The following SLC23A2 variants were observed in gnomAD, a reference collection of about 807,000 sequenced individuals.
The protein encoded by SLC23A2 is solute carrier family 23 member 2.
A neutral mutation model predicts 73.3 loss-of-function variants in SLC23A2; 36 were observed. That is an observed-to-expected ratio of 0.49 (90% CI 0.38 to 0.65). The LOEUF (loss-of-function observed/expected upper bound fraction) is 0.65, where lower values mean the gene tolerates loss of function less well. Among genes scored for constraint, SLC23A2 ranks in the 30% least tolerant of loss-of-function variants. SLC23A2 has a pLI of 0.00. For synonymous variants in SLC23A2, 343 were observed against 327.3 expected (o/e 1.05, Z -0.52); for missense variants, 507 against 841.6 (o/e 0.60, Z 4.92).
Position 4,873,937 on chromosome 20 carries a change from T to A in SLC23A2, c.1101A>T (p.Pro367=), listed in dbSNP as rs1417747713. Residue 367 remains proline, a splice_region_variant and synonymous_variant, in exon 11 of 17, where the codon CCA becomes CCT. Transcript: ENST00000338244. The part of the protein sequence containing the change: ...LVAPWFKVPY[P]FQWGLPTVSA... ...CCCTCTAGCCATCAGAATACTTACA[T>A]GGGTATGGAACCTTAAACCACGGGG... The A allele has an allele frequency of 1.2e-6, 2 of 1,612,326 alleles. No individual in the cohort carries two copies. Among genetic ancestry groups the A allele is most frequent in the Admixed American group, 1.7e-5 (1 of 59,856 alleles).
In SLC23A2 at chr20:4,872,475, G is replaced by A. The variant is rs1214378530; in HGVS notation, c.1102+1461C>T. Among the ~76,000 whole-genome samples the A allele has an allele frequency of 1.3e-5, 2 of 152,106 alleles. No individual in the cohort carries two copies. Among genetic ancestry groups the A allele is most frequent in the Non-Finnish European group, 2.9e-5 (2 of 68,024 alleles). On this transcript the variant is annotated intron_variant, in intron 11 of 16. Coordinates refer to ENST00000338244, the MANE Select transcript of SLC23A2 (RefSeq NM_005116.6). This position sits in a 1 kb window ranked among gnomAD's most constrained non-coding sequence, Gnocchi z 4.4. ...TCCCTCTGGCCCCAGCACCTGTACA[G>A]CTGCCTCTCCTGGACAGCCCAGCTT...
In SLC23A2 at chr20:4,854,152, A is replaced by G. The variant is rs1929626915; in HGVS notation, c.*2820T>C. On this transcript the variant is annotated 3_prime_UTR_variant, in exon 17 of 17. Transcript: ENST00000338244. ...AGGACATTCACATCCAAAATATTTT[A>G]CAACACTCTACAGGCAAAACAAAGT... 1 of 152,214 alleles carries G rather than the reference A, an allele frequency of 6.6e-6. No homozygotes were observed. The highest frequency in any genetic ancestry group is 2.4e-5 in the African/African-American group (1 of 41,456). The allele number at this position is 152,214 out of a possible 1,614,324, so 9.4% of individuals were successfully genotyped here.
rs1437708495 is a variant in SLC23A2, at chr20:4,899,521, G to A, written c.482+34C>T. On this transcript the variant is annotated intron_variant, in intron 6 of 16. Transcript: ENST00000338244. The surrounding 1 kb of genome is among the most constrained non-coding windows in gnomAD (Gnocchi z 4.9). The stretch of plus-strand genomic sequence containing the variant: ...CTTCTGCGCTCAATGCCTTCTGGGG[G>A]CTTTGGCATCCCCCATTAGTACCCC... 1.2e-6 allele frequency: 2 copies of A among 1,605,796 alleles called. No homozygotes were observed. Among genetic ancestry groups the A allele is most frequent in the Non-Finnish European group, 1.7e-6 (2 of 1,174,372 alleles).
chr20:4,950,965 A>T (rs2087192659), intron 2 of SLC23A2, among the ~76,000 whole-genome samples: 1 of 152,164 alleles, frequency 6.6e-6, no homozygotes, highest in Non-Finnish European at 1.5e-5. Flanking sequence ...GAAACTGGGG[A>T]GAAGGTTGGG....
At chr20:4,956,253 C>T (rs2087286607) in intron 2 of SLC23A2, among the ~76,000 whole-genome samples, 1 of 152,106 alleles carries the variant, frequency 6.6e-6, no homozygotes, top group South Asian at 2.1e-4. Context: ...TAGATATTGA[C>T]ATTTCTGTGC....
intron 1 of SLC23A2, among the ~76,000 whole-genome samples, chr20:5,009,368 T>C (rs1344948681): frequency 1.3e-5 from 2 of 152,180 alleles, no homozygotes; most frequent in Non-Finnish European, 2.9e-5. Context: ...CTCTGGATCA[T>C]TCTTGCTCAG....
chr20:4,941,391 C>T (rs1298334791), intron 2 of SLC23A2, among the ~76,000 whole-genome samples: 1 of 151,836 alleles, frequency 6.6e-6, no homozygotes, highest in Admixed American at 6.6e-5. Flanking sequence ...TTTAAATTAG[C>T]CAGAAAACAA....
At position 4,853,630 on chromosome 20, in the gene SLC23A2, T is replaced by C. The variant is rs1806715828; in HGVS notation, c.*3342A>G. 1 of 152,662 alleles carries C rather than the reference T, an allele frequency of 6.6e-6. No individual in the cohort carries two copies. Among genetic ancestry groups the C allele is most frequent in the African/African-American group, 2.4e-5 (1 of 41,442 alleles). The allele number at this position is 152,662 out of a possible 1,614,324, so 9.5% of individuals were successfully genotyped here. A position where few individuals can be genotyped will look rare whatever the true frequency, so the allele number is the denominator to read the frequency against. On this transcript the variant is annotated 3_prime_UTR_variant, in exon 17 of 17. Coordinates refer to ENST00000338244, the MANE Select transcript of SLC23A2 (RefSeq NM_005116.6). ...TGGGTAGAAATGTTATTTTGCTATA[T>C]GGAAATACTGCAATATTCATGCATA...
chr20:4,974,938 C>G (rs2087620107), intron 1 of SLC23A2, among the ~76,000 whole-genome samples: 1 of 152,056 alleles, frequency 6.6e-6, no homozygotes, highest in African/African-American at 2.4e-5. Context: ...CAGGGCCCAC[C>G]ACCACACCTG....
In SLC23A2 at chr20:4,966,837, C is replaced by CACACACAT. The variant is rs1555806656; in HGVS notation, c.-155+3955_-155+3956insATGTGTGT. ...ACACACACACACACACACACACACA[C>CACACACAT]ACACACACACACACACACAGGCATG... On this transcript the variant is annotated intron_variant, in intron 2 of 16. Coordinates refer to ENST00000338244, the MANE Select transcript of SLC23A2 (RefSeq NM_005116.6). 4.0e-3 allele frequency among the ~76,000 whole-genome samples: 584 copies of CACACACAT among 147,170 alleles called. 5 individuals carry two copies. Among genetic ancestry groups the CACACACAT allele is most frequent in the African/African-American group, 0.013 (509 of 39,146 alleles).
Position 4,869,949 on chromosome 20 carries a change from G to T in SLC23A2, c.1207C>A (p.Arg403=). ...GGGGGGGGTGGGGCACAGGACAGCCGTGCACAGGCGTAGTAGTCACCAATA... is the reference window on the plus strand; with the variant it reads ...GGGGGGGGTGGGGCACAGGACAGCCTTGCACAGGCGTAGTAGTCACCAATA... ...ESIGDYYACA[R]LSCAPPPPIH... Residue 403 remains arginine (R), a synonymous_variant, in exon 12 of 17, where the codon CGG becomes AGG. Transcript: ENST00000338244. 6.2e-7 allele frequency: 1 copy of T among 1,613,420 alleles called. No homozygotes were observed. The highest frequency in any genetic ancestry group is 8.5e-7 in the Non-Finnish European group (1 of 1,179,508).
chr20:4,932,535 A>ATGT lies in SLC23A2; in HGVS notation c.25_27dup (p.Thr9dup), dbSNP rs1275246894. On this transcript the variant is annotated inframe_insertion, in exon 3 of 17. Coordinates refer to ENST00000338244, the MANE Select transcript of SLC23A2 (RefSeq NM_005116.6). Reference sequence around the variant, plus strand: ...GAACTTCCAGCCTCCATTGATTTGGATGTGGTATTCTTACCAATACCCATC... The same window carrying ATGT: ...GAACTTCCAGCCTCCATTGATTTGGATGTTGTGGTATTCTTACCAATACCCATC... 7 of 1,605,220 alleles carry ATGT rather than the reference A, an allele frequency of 4.4e-6. No homozygotes were observed. Among genetic ancestry groups the ATGT allele is most frequent in the Non-Finnish European group, 5.1e-6 (6 of 1,171,968 alleles).
chr20:4,917,446 T>TA (rs916191528), intron 3 of SLC23A2, among the ~76,000 whole-genome samples: 1 of 151,138 alleles, frequency 6.6e-6, no homozygotes, highest in African/African-American at 2.4e-5. Flanking sequence ...GGCACGGGAG[T>TA]AAAGTGTCCA....
intron 1 of SLC23A2, among the ~76,000 whole-genome samples, chr20:4,975,475 G>A (rs1411526023): frequency 1.3e-5 from 2 of 151,920 alleles, no homozygotes; most frequent in South Asian, 2.1e-4. Context: ...CCACATCCCG[G>A]GTTCAAGCCA....
chr20:4,867,750 A>C lies in SLC23A2; in HGVS notation c.1356+20T>G. 7.3e-7 allele frequency: 1 copy of C among 1,378,402 alleles called. No homozygotes were observed. Among genetic ancestry groups the C allele is most frequent in the Non-Finnish European group, 1.0e-6 (1 of 968,568 alleles). The allele number at this position is 1,378,402 out of a possible 1,614,324, so 85.4% of individuals were successfully genotyped here. A position where few individuals can be genotyped will look rare whatever the true frequency, so the allele number is the denominator to read the frequency against. On this transcript the variant is annotated intron_variant, in intron 13 of 16. Coordinates refer to ENST00000338244, the MANE Select transcript of SLC23A2 (RefSeq NM_005116.6). ...CCAATGCTTAGAAACCCAATCATTT[A>C]ATTAGAAAAATCTGTGTACCTTTGT...
At chr20:4,934,571 G>GA (rs1214262057) in intron 2 of SLC23A2, among the ~76,000 whole-genome samples, 1 of 152,092 alleles carries the variant, frequency 6.6e-6, no homozygotes, top group East Asian at 1.9e-4. Flanking sequence ...ATTATAAAAA[G>GA]AATTTTCTGG....
intron 13 of SLC23A2, among the ~76,000 whole-genome samples, chr20:4,864,169 C>T (rs1930099529): frequency 6.6e-6 from 1 of 152,196 alleles, no homozygotes; most frequent in African/African-American, 2.4e-5. Flanking sequence ...GGAGTATCCA[C>T]AAGGATTTAT....
intron 4 of SLC23A2, among the ~76,000 whole-genome samples, chr20:4,909,206 G>A (rs1932059888): frequency 6.6e-6 from 1 of 151,966 alleles, no homozygotes; most frequent in Non-Finnish European, 1.5e-5. Context: ...GATTTTTTTG[G>A]GATTTTGAAA....
At chr20:4,882,417 TGCTCATGTGTGAGATGTGTCTCCTTC>T (rs1930925494) in intron 9 of SLC23A2, among the ~76,000 whole-genome samples, 1 of 152,052 alleles carries the variant, frequency 6.6e-6, no homozygotes, top group Non-Finnish European at 1.5e-5. Flanking sequence ...TGGGTATTCA[TGCTCATGTGTGAGATGTGTCTCCTTC>T]AAACCTTGTT....
Sources: allele counts gnomAD v4.1 joint callset (sites outside exome capture counted in the v4.1 genomes callset), GRCh38; gene constraint gnomAD v4.1.1; non-coding constraint Gnocchi (gnomAD v3.1); transcripts MANE v1.5; gene names NCBI Gene and HGNC (gene_info 2026-07-23, HGNC 2026-07-21).